C17orf67: variants seen among roughly 807,000 people sequenced by gnomAD.
C17orf67 encodes the protein uncharacterized protein C17orf67.
In C17orf67, 12 loss-of-function variants were observed where a neutral mutation model predicts 11.2. The observed-to-expected ratio is 1.07, with a 90% CI of 0.68 to 1.73. The LOEUF (loss-of-function observed/expected upper bound fraction) is 1.73, where lower values mean the gene tolerates loss of function less well. Ranked by LOEUF, C17orf67 falls within the 40% of genes most tolerant of loss-of-function variation. C17orf67 has a pLI of 0.00. For synonymous variants in C17orf67, 59 were observed against 46.9 expected (o/e 1.26, Z -1.05); for missense variants, 115 against 113.5 (o/e 1.01, Z -0.06).
intron 2 of C17orf67, among the ~76,000 whole-genome samples, chr17:56,827,914 T>G (rs539706803): frequency 6.6e-6 from 1 of 152,068 alleles, no homozygotes; most frequent in Non-Finnish European, 1.5e-5. Flanking sequence ...CATTTAAAAA[T>G]GTGGATGCTG....
chr17:56,794,930 A>G, intron 7 of C17orf67, 114 bp downstream of exon 7: 1 of 685,172 alleles, frequency 1.5e-6, no homozygotes, highest in Non-Finnish European at 2.5e-6. Flanking sequence ...CAAACCCATA[A>G]CCAGCTAACC....
chr17:56,795,921 C>T (rs1597986165), intron 6 of C17orf67, among the ~76,000 whole-genome samples: 1 of 152,126 alleles, frequency 6.6e-6, no homozygotes, highest in African/African-American at 2.4e-5. Context: ...TAGTGTGACA[C>T]TATTTTTATA....
At chr17:56,829,220 G>T (rs990435632) in intron 2 of C17orf67, among the ~76,000 whole-genome samples, 2 of 152,118 alleles carry the variant, frequency 1.3e-5, no homozygotes, top group Non-Finnish European at 2.9e-5. Flanking sequence ...AGATTGCAGT[G>T]AGCTGAGATC....
chr17:56,833,765 C>G lies in C17orf67; in HGVS notation c.-1149G>C. 1 of 151,778 alleles carries G rather than the reference C, an allele frequency of 6.6e-6. No homozygotes were observed. The highest frequency in any genetic ancestry group is 1.5e-5 in the Non-Finnish European group (1 of 67,852). The allele number at this position is 151,778 out of a possible 1,614,324, so 9.4% of individuals were successfully genotyped here. On this transcript the variant is annotated 5_prime_UTR_variant, in exon 1 of 8. Transcript: ENST00000397861. ...CGGGGGCACTCGTGTCTGCGCCGAG[C>G]GGCGGGCGTGAGCGCGGCCCCTGGG...
intron 4 of C17orf67, among the ~76,000 whole-genome samples, chr17:56,820,767 CTTTT>C (rs746734939): frequency 4.9e-5 from 6 of 122,512 alleles, no homozygotes; most frequent in African/African-American, 9.3e-5. Context: ...GTGAGTTTCC[CTTTT>C]TTTTTTTTTT....
intron 6 of C17orf67, among the ~76,000 whole-genome samples, chr17:56,798,062 A>C (rs1224404033): frequency 1.3e-5 from 2 of 152,118 alleles, no homozygotes; most frequent in Admixed American, 6.5e-5. Context: ...GGTTCATCAT[A>C]TCTCTCTTCA....
At chr17:56,827,669 C>T (rs559620696) in intron 2 of C17orf67, among the ~76,000 whole-genome samples, 76 of 152,320 alleles carry the variant, frequency 5.0e-4, no homozygotes, top group African/African-American at 1.8e-3. Context: ...CTGGACTGAA[C>T]CCTGGGAAGC....
At chr17:56,819,024 A>T (rs1466948006) in intron 4 of C17orf67, among the ~76,000 whole-genome samples, 1 of 152,222 alleles carries the variant, frequency 6.6e-6, no homozygotes, top group Non-Finnish European at 1.5e-5. Flanking sequence ...AGAAAGTATC[A>T]GTTAGACCTC....
rs1906337892 is a variant in C17orf67, at chr17:56,833,738, G to T, written c.-1122C>A. 1 of 151,952 alleles carries T rather than the reference G, an allele frequency of 6.6e-6. No homozygotes were observed. Among genetic ancestry groups the T allele is most frequent in the African/African-American group, 2.4e-5 (1 of 41,406 alleles). 9.4% of individuals were successfully genotyped at this position (151,952 alleles called of 1,614,324 possible). A position where few individuals can be genotyped will look rare whatever the true frequency, so the allele number is the denominator to read the frequency against. On this transcript the variant is annotated 5_prime_UTR_variant, in exon 1 of 8. Coordinates refer to ENST00000397861, the MANE Select transcript of C17orf67 (RefSeq NM_001085430.4). Reference sequence around the variant, plus strand: ...GGCATCGGCTAGAGGTTCGGCTCAAGTCGGGGGCACTCGTGTCTGCGCCGA... The same window carrying T: ...GGCATCGGCTAGAGGTTCGGCTCAATTCGGGGGCACTCGTGTCTGCGCCGA...
chr17:56,795,027 G>T lies in C17orf67; in HGVS notation c.*20+17C>A. ...CACTCCCTCAGACAGAGGTCCGGGA[G>T]AGAGAAGGAGACGTACCGAGGCTGG... is the stretch of plus-strand genomic sequence containing the variant. On this transcript the variant is annotated intron_variant, in intron 7 of 7. Coordinates refer to ENST00000397861, the MANE Select transcript of C17orf67 (RefSeq NM_001085430.4). The T allele has an allele frequency of 6.4e-7, 1 of 1,553,088 alleles. No individual in the cohort carries two copies. Among genetic ancestry groups the T allele is most frequent in the South Asian group, 1.1e-5 (1 of 89,712 alleles).
intron 7 of C17orf67, among the ~76,000 whole-genome samples, chr17:56,794,590 G>A (rs2144108299): frequency 6.6e-6 from 1 of 152,242 alleles, no homozygotes; most frequent in Non-Finnish European, 1.5e-5. Context: ...TGGCAGCCTT[G>A]AAGGCTGCAG....
intron 6 of C17orf67, among the ~76,000 whole-genome samples, chr17:56,798,918 T>C (rs960313598): frequency 9.2e-5 from 14 of 152,182 alleles, no homozygotes; most frequent in African/African-American, 2.9e-4. Context: ...TTTCCACTCA[T>C]GGCAGAAGGT....
chr17:56,797,872 T>A (rs1950548582), intron 6 of C17orf67, among the ~76,000 whole-genome samples: 1 of 152,196 alleles, frequency 6.6e-6, no homozygotes. Flanking sequence ...GGGTTACTCA[T>A]GGCATTATGT....
chr17:56,813,686 C>T (rs1905685427), intron 6 of C17orf67, among the ~76,000 whole-genome samples: 1 of 152,122 alleles, frequency 6.6e-6, no homozygotes. Context: ...GAGCAGAAAC[C>T]TACAGCCCCG....
intron 4 of C17orf67, among the ~76,000 whole-genome samples, chr17:56,824,309 AGAG>A (rs1456376405): frequency 6.6e-6 from 1 of 152,250 alleles, no homozygotes; most frequent in African/African-American, 2.4e-5. Context: ...GTTATGACAC[AGAG>A]CAAAAGCCCT....
At chr17:56,807,726 G>A (rs4793832) in intron 6 of C17orf67, among the ~76,000 whole-genome samples, 24,609 of 151,670 alleles carry the variant, frequency 0.16, 2,296 homozygotes, top group Middle Eastern at 0.24. Flanking sequence ...TTCTCTGTCA[G>A]GATCTTGAGC....
At chr17:56,804,404 A>C (rs1470570253) in intron 6 of C17orf67, 1 of 152,230 alleles carries the variant, frequency 6.6e-6, no homozygotes, top group Non-Finnish European at 1.5e-5. Context: ...TAGTACAAGC[A>C]AGGTAATCCT....
intron 6 of C17orf67, among the ~76,000 whole-genome samples, chr17:56,806,735 G>A (rs1905461582): frequency 6.6e-6 from 1 of 152,204 alleles, no homozygotes; most frequent in Non-Finnish European, 1.5e-5. Flanking sequence ...GTCATTGGCA[G>A]GTTTTGAGCA....
intron 6 of C17orf67, among the ~76,000 whole-genome samples, chr17:56,813,882 G>C: frequency 6.6e-6 from 1 of 151,970 alleles, no homozygotes; most frequent in East Asian, 1.9e-4. Context: ...TTTTATAGAT[G>C]AAAGTACTGA....
Sources: allele counts gnomAD v4.1 joint callset (sites outside exome capture counted in the v4.1 genomes callset), GRCh38; gene constraint gnomAD v4.1.1; transcripts MANE v1.5; gene names NCBI Gene and HGNC (gene_info 2026-07-23, HGNC 2026-07-21).